Variants in DSG1 observed in about 807,000 individuals in gnomAD.
DSG1 encodes desmoglein 1.
A neutral mutation model predicts 97.5 loss-of-function variants in DSG1; 39 were observed. The observed-to-expected ratio is 0.40, with a 90% CI of 0.31 to 0.52. The LOEUF (loss-of-function observed/expected upper bound fraction) is 0.52. DSG1 is among the 20% of genes least tolerant of loss of function. The pLI is 0.53. For synonymous variants in DSG1, 475 were observed against 443.4 expected (o/e 1.07, Z -0.90); for missense variants, 1,311 against 1,295.4 (o/e 1.01, Z -0.18).
chr18:31,323,439 C>T (rs1032132654), intron 1 of DSG1, among the ~76,000 whole-genome samples: 16 of 152,200 alleles, frequency 1.1e-4, no homozygotes, highest in African/African-American at 3.9e-4. Context: ...CTTCCAATTT[C>T]CCTTTCCTAA....
chr18:31,351,146 C>A lies in DSG1; in HGVS notation c.2101-3151C>A, dbSNP rs1332251869. Among the ~76,000 whole-genome samples the A allele has an allele frequency of 5.1e-4, 75 of 146,622 alleles. 1 individual carries two copies. Among genetic ancestry groups the A allele is most frequent in the African/African-American group, 2.0e-3 (74 of 37,468 alleles). ...CCTCTACACACTGCTTTGAATGCGT[C>A]CCAGAGATTCTGGTATGTTGTGTCT... is the stretch of plus-strand genomic sequence containing the variant. On this transcript the variant is annotated intron_variant, in intron 14 of 14. Transcript: ENST00000257192.
intron 1 of DSG1, among the ~76,000 whole-genome samples, chr18:31,323,175 G>T (rs2071664289): frequency 2.0e-5 from 3 of 152,182 alleles, no homozygotes; most frequent in Non-Finnish European, 4.4e-5. Flanking sequence ...GATATACTCA[G>T]TCAGCCTGAT....
intron 7 of DSG1, 88 bp from the exon 8 acceptor site, chr18:31,333,929 A>G: frequency 8.6e-7 from 1 of 1,159,106 alleles, no homozygotes. Context: ...TTTCTAAATA[A>G]TGAAGTTATC....
At chr18:31,333,413 A>T (rs1005671305) in intron 6 of DSG1, among the ~76,000 whole-genome samples, 176 bp from the exon 7 acceptor site, 2 of 152,182 alleles carry the variant, frequency 1.3e-5, no homozygotes, top group Non-Finnish European at 2.9e-5. Context: ...ATAATGCGTG[A>T]TAAGTATTAT....
chr18:31,327,954 G>A (rs192124868), intron 3 of DSG1, among the ~76,000 whole-genome samples: 13 of 152,188 alleles, frequency 8.5e-5, no homozygotes, highest in Middle Eastern at 3.4e-3. Context: ...GTGATATTTC[G>A]CATTTTTTCA....
chr18:31,318,437 T>C (rs551708973), intron 1 of DSG1, 89 bp downstream of exon 1: 2 of 1,008,976 alleles, frequency 2.0e-6, no homozygotes, highest in African/African-American at 3.2e-5. Flanking sequence ...GCATTATTTC[T>C]AACCTAAACC....
At chr18:31,344,559 A>G (rs1026263984) in intron 13 of DSG1, among the ~76,000 whole-genome samples, 2 of 152,232 alleles carry the variant, frequency 1.3e-5, no homozygotes, top group African/African-American at 4.8e-5. Flanking sequence ...TCTTTAATTG[A>G]AAGCAAGTAG....
chr18:31,349,474 T>G (rs1452070440), intron 14 of DSG1, among the ~76,000 whole-genome samples: 1 of 150,486 alleles, frequency 6.6e-6, no homozygotes, highest in Non-Finnish European at 1.5e-5. Flanking sequence ...CCATATGAAC[T>G]TTAAAGTAGT....
chr18:31,329,795 A>G, intron 4 of DSG1, 97 bp from the exon 5 acceptor site: 1 of 1,438,290 alleles, frequency 7.0e-7, no homozygotes, highest in African/African-American at 1.4e-5. Context: ...TAGACATAAT[A>G]ATTCTTTTAA....
intron 12 of DSG1, 89 bp from the exon 13 acceptor site, chr18:31,343,837 G>A (rs564272915): frequency 4.9e-6 from 6 of 1,217,980 alleles, no homozygotes; most frequent in Non-Finnish European, 2.4e-6. Flanking sequence ...GGAAATCTGA[G>A]GTAATTTAAG....
intron 9 of DSG1, among the ~76,000 whole-genome samples, chr18:31,337,006 A>G (rs1342180616): frequency 6.6e-6 from 1 of 152,220 alleles, no homozygotes; most frequent in Admixed American, 6.5e-5. Context: ...GCTCATTTCA[A>G]TTATATTCTT....
In DSG1 at chr18:31,354,998, A is replaced by G; in HGVS notation, c.2802A>G (p.Ile934Met). 1 of 1,614,236 alleles carries G rather than the reference A, an allele frequency of 6.2e-7. No individual in the cohort carries two copies. Among genetic ancestry groups the G allele is most frequent in the Non-Finnish European group, 8.5e-7 (1 of 1,180,040 alleles). ...ERVIQPTSGMIGSLSMHPELA... is the reference protein window; with the variant it reads ...ERVIQPTSGMMGSLSMHPELA... The stretch of plus-strand genomic sequence containing the variant: ...TAATCCAACCAACTTCCGGCATGAT[A>G]GGTAGTCTGAGTATGCACCCCGAGT... Residue 934 changes from isoleucine (I) to methionine (M), a missense_variant, in exon 15 of 15, where the codon ATA becomes ATG. By Grantham distance (10) the Ile-to-Met change is conservative. Coordinates refer to ENST00000257192, the MANE Select transcript of DSG1 (RefSeq NM_001942.4).
chr18:31,351,650 C>T (rs2071897745), intron 14 of DSG1, among the ~76,000 whole-genome samples: 2 of 151,490 alleles, frequency 1.3e-5, no homozygotes, highest in African/African-American at 4.9e-5. Context: ...AATCTTGGTG[C>T]TCCTGTATTG....
chr18:31,320,821 T>C (rs1368419145), intron 1 of DSG1, among the ~76,000 whole-genome samples: 1 of 152,316 alleles, frequency 6.6e-6, no homozygotes, highest in East Asian at 1.9e-4. Context: ...TGGTAAAAAG[T>C]ACAGCATGGT....
Position 31,357,098 on chromosome 18 carries a change from C to T in DSG1, c.*1752C>T, listed in dbSNP as rs1294766932. 6.6e-6 allele frequency: 1 copy of T among 151,970 alleles called. No homozygotes were observed. Among genetic ancestry groups the T allele is most frequent in the South Asian group, 2.1e-4 (1 of 4,828 alleles). 9.4% of individuals were successfully genotyped at this position (151,970 alleles called of 1,614,324 possible). ...TCAAATTTCCCAGGAAATTACAAAG[C>T]CAAAGAATATTCAACTTCCTCCACT... On this transcript the variant is annotated 3_prime_UTR_variant, in exon 15 of 15. Coordinates refer to ENST00000257192, the MANE Select transcript of DSG1 (RefSeq NM_001942.4).
At chr18:31,340,553 C>CAA (rs202063226) in intron 11 of DSG1, among the ~76,000 whole-genome samples, 113 of 93,240 alleles carry the variant, frequency 1.2e-3, no homozygotes, top group African/African-American at 3.7e-3. Flanking sequence ...GGTTCAGTCT[C>CAA]AAAAAAAAAA....
At chr18:31,343,341 C>T in intron 11 of DSG1, 109 bp from the exon 12 acceptor site, 2 of 1,491,596 alleles carry the variant, frequency 1.3e-6, no homozygotes, top group East Asian at 2.3e-5. Flanking sequence ...AATTTTAGAA[C>T]CAACCAGAAT....
Position 31,340,583 on chromosome 18 carries a change from C to A in DSG1, c.1687+558C>A, listed in dbSNP as rs150633455. Among the ~76,000 whole-genome samples the A allele has an allele frequency of 4.0e-5, 6 of 149,876 alleles. No homozygotes were observed. The East Asian group carries it at 1.2e-3, about 29-fold the overall frequency. On this transcript the variant is annotated intron_variant, in intron 11 of 14. Transcript: ENST00000257192. ...AAAAAAAAAAGAAAAGAAAAGGCTA[C>A]AGAGAAAGAGTAAACTCTGAGTTGC...
At chr18:31,318,417 A>C in intron 1 of DSG1, 69 bp downstream of exon 1, 1 of 1,237,134 alleles carries the variant, frequency 8.1e-7, no homozygotes, top group Non-Finnish European at 1.2e-6. Context: ...TTTTTAGAAA[A>C]TGTTAGTGGG....
Sources: gnomAD v4.1 joint callset for allele counts (sites outside exome capture counted in the v4.1 genomes callset) on GRCh38, gnomAD v4.1.1 for gene constraint, MANE v1.5 for transcripts, NCBI Gene and HGNC (gene_info 2026-07-23, HGNC 2026-07-21) for gene names.